Variants in SNTG1 observed in about 807,000 individuals in gnomAD.
The protein encoded by SNTG1 is syntrophin gamma 1.
A neutral mutation model predicts 74.7 loss-of-function variants in SNTG1; 39 were observed. The observed-to-expected ratio is 0.52, with a 90% confidence interval of 0.40 to 0.68. SNTG1 has a LOEUF of 0.68. SNTG1 is among the 30% of genes least tolerant of loss of function. The probability of loss-of-function intolerance (pLI) is 0.00; values close to 1 mark genes in which losing one functional copy is unlikely to be tolerated. For missense variants in SNTG1, 685 were observed against 609.5 expected (o/e 1.12, Z -1.30); for synonymous variants, 254 against 217.1 (o/e 1.17, Z -1.49).
At chr8:50,175,661 G>T (rs539600389) in intron 2 of SNTG1, among the ~76,000 whole-genome samples, 2 of 152,234 alleles carry the variant, frequency 1.3e-5, no homozygotes, top group South Asian at 4.1e-4. Context: ...CCTGACTAAA[G>T]CCCAATAAGA....
intron 2 of SNTG1, among the ~76,000 whole-genome samples, chr8:50,345,134 TC>T (rs2091434585): frequency 6.6e-6 from 1 of 152,158 alleles, no homozygotes; most frequent in East Asian, 1.9e-4. Flanking sequence ...GTGTTACTTT[TC>T]TAATGACAGC....
intron 17 of SNTG1, among the ~76,000 whole-genome samples, chr8:50,738,652 C>T (rs566696102): frequency 6.6e-6 from 1 of 152,188 alleles, no homozygotes; most frequent in African/African-American, 2.4e-5. Context: ...TACCTGACTT[C>T]AAACTATACT....
intron 8 of SNTG1, among the ~76,000 whole-genome samples, chr8:50,494,641 A>G (rs974569270): frequency 6.6e-6 from 1 of 152,068 alleles, no homozygotes. Context: ...ATCATTGAGG[A>G]AATCATCTTG....
chr8:50,188,479 A>G (rs2083459623), intron 2 of SNTG1, among the ~76,000 whole-genome samples: 1 of 152,108 alleles, frequency 6.6e-6, no homozygotes, highest in Admixed American at 6.6e-5. Flanking sequence ...ATTCAGATCC[A>G]TTTGTAAACT....
At chr8:50,260,169 C>T (rs979171153) in intron 2 of SNTG1, among the ~76,000 whole-genome samples, 2 of 152,102 alleles carry the variant, frequency 1.3e-5, no homozygotes, top group African/African-American at 4.8e-5. Flanking sequence ...ATGGTTTTTA[C>T]CAGAGTTTAA....
At chr8:50,257,104 C>T (rs1343092437) in intron 2 of SNTG1, among the ~76,000 whole-genome samples, 8 of 152,034 alleles carry the variant, frequency 5.3e-5, no homozygotes, top group Non-Finnish European at 2.9e-5. Context: ...CACCCACCAG[C>T]AGAAGAGGCA....
intron 9 of SNTG1, among the ~76,000 whole-genome samples, chr8:50,526,914 G>A (rs35420171): frequency 0.054 from 8,179 of 152,028 alleles, 330 homozygotes; most frequent in Non-Finnish European, 0.082. Context: ...GAGGCACCGC[G>A]CCCGGCCCGA....
At position 50,541,829 on chromosome 8, in the gene SNTG1, T is replaced by A. The variant is rs559063543; in HGVS notation, c.680+5021T>A. 7.2e-5 allele frequency among the ~76,000 whole-genome samples: 11 copies of A among 152,030 alleles called. No homozygotes were observed. The South Asian group carries it at 2.3e-3, about 32-fold the overall frequency. On this transcript the variant is annotated intron_variant, in intron 11 of 18. Coordinates refer to ENST00000642720, the MANE Select transcript of SNTG1 (RefSeq NM_018967.5). ...CTTCATTCTCTCTCTCTTCTAACTT[T>A]CCTGGTCTCGGGTAATGAACAATTT...
chr8:50,155,862 T>A (rs959881855), intron 1 of SNTG1, among the ~76,000 whole-genome samples: 5 of 151,816 alleles, frequency 3.3e-5, no homozygotes, highest in African/African-American at 1.2e-4. Flanking sequence ...TTGTTTGAAA[T>A]GATGAATAAA....
At chr8:49,933,888 C>T (rs1482083649) in intron 1 of SNTG1, among the ~76,000 whole-genome samples, 3 of 152,036 alleles carry the variant, frequency 2.0e-5, no homozygotes, top group African/African-American at 4.8e-5. Context: ...AGGGATATCG[C>T]TACATATTTA....
At chr8:50,130,170 G>C (rs2081273963) in intron 1 of SNTG1, among the ~76,000 whole-genome samples, 1 of 152,116 alleles carries the variant, frequency 6.6e-6, no homozygotes, top group Non-Finnish European at 1.5e-5. Flanking sequence ...TTTAGTTACA[G>C]CTATAAAATA....
intron 15 of SNTG1, among the ~76,000 whole-genome samples, chr8:50,684,448 G>T (rs992337819): frequency 1.3e-4 from 20 of 151,944 alleles, no homozygotes; most frequent in African/African-American, 3.6e-4. Context: ...TGCTTTTCTG[G>T]TTCTAGGAAT....
At chr8:50,258,831 C>T (rs1586869902) in intron 2 of SNTG1, among the ~76,000 whole-genome samples, 4 of 151,840 alleles carry the variant, frequency 2.6e-5, no homozygotes, top group African/African-American at 7.3e-5. Flanking sequence ...ATGAGATTAC[C>T]GCCTGATGAG....
chr8:49,912,786 G>A (rs959251177), intron 1 of SNTG1, among the ~76,000 whole-genome samples: 3 of 152,134 alleles, frequency 2.0e-5, no homozygotes, highest in Non-Finnish European at 4.4e-5. Flanking sequence ...TTTTTACTTA[G>A]CACCCTCTTT....
chr8:50,234,122 T>C (rs2085772935), intron 2 of SNTG1, among the ~76,000 whole-genome samples: 1 of 151,998 alleles, frequency 6.6e-6, no homozygotes, highest in African/African-American at 2.4e-5. Context: ...CCAAATTCAT[T>C]TGTAATAGCC....
intron 1 of SNTG1, among the ~76,000 whole-genome samples, chr8:50,117,226 T>C (rs1028839835): frequency 1.3e-5 from 2 of 152,050 alleles, no homozygotes; most frequent in Non-Finnish European, 2.9e-5. Context: ...TAGACATCTT[T>C]TCCAGAGTGT....
intron 9 of SNTG1, among the ~76,000 whole-genome samples, chr8:50,518,858 C>T (rs1423658199): frequency 6.6e-6 from 1 of 152,124 alleles, no homozygotes; most frequent in African/African-American, 2.4e-5. Context: ...GGTTCACAGC[C>T]AAATTCTACC....
chr8:50,239,977 T>C lies in SNTG1; in HGVS notation c.-28+67342T>C, dbSNP rs538638527. 2.5e-4 allele frequency among the ~76,000 whole-genome samples: 38 copies of C among 152,314 alleles called. No homozygotes were observed. The South Asian group carries it at 7.9e-3, about 32-fold the overall frequency. On this transcript the variant is annotated intron_variant, in intron 2 of 18. Transcript: ENST00000642720. ...AGAACAACCTTTGACTTCCATCACT[T>C]CTGAAAATTCACTAAGTAACTATAA... is the stretch of plus-strand genomic sequence containing the variant.
At chr8:50,326,608 T>G (rs1283694293) in intron 2 of SNTG1, among the ~76,000 whole-genome samples, 1 of 151,586 alleles carries the variant, frequency 6.6e-6, no homozygotes, top group Non-Finnish European at 1.5e-5. Context: ...TTAGCCTAGC[T>G]ACTGTTTTAC....
Sources: allele counts gnomAD v4.1 joint callset (sites outside exome capture counted in the v4.1 genomes callset), GRCh38; gene constraint gnomAD v4.1.1; transcripts MANE v1.5; gene names NCBI Gene and HGNC (gene_info 2026-07-23, HGNC 2026-07-21).